Variants in UBE3D observed in about 807,000 individuals in gnomAD.
UBE3D encodes the protein E3 ubiquitin-protein ligase E3D.
Under a neutral mutation model 49.6 loss-of-function variants are expected in UBE3D, and 48 were observed. The observed-to-expected ratio is 0.97, with a 90% CI of 0.77 to 1.23. UBE3D has a LOEUF of 1.23. UBE3D is among the 50% of genes most tolerant of loss of function. The probability of loss-of-function intolerance (pLI) is 0.00; values close to 1 mark genes in which losing one functional copy is unlikely to be tolerated. For missense variants in UBE3D, 452 were observed against 468.4 expected (o/e 0.96, Z 0.32); for synonymous variants, 189 against 174.2 (o/e 1.08, Z -0.67).
intron 5 of UBE3D, among the ~76,000 whole-genome samples, chr6:83,029,040 TTC>T (rs769946009): frequency 4.5e-4 from 68 of 152,300 alleles, no homozygotes; most frequent in Non-Finnish European, 8.1e-4. Context: ...ACTTTAAAGA[TTC>T]TCTCTTAATC....
chr6:83,009,948 G>C (rs1780229267), intron 8 of UBE3D, among the ~76,000 whole-genome samples: 1 of 151,116 alleles, frequency 6.6e-6, no homozygotes, highest in South Asian at 2.1e-4. Context: ...AACATTCATG[G>C]CCATGATGCA....
Position 82,898,992 on chromosome 6 carries a change from GAATT to G in UBE3D, c.1150-5954_1150-5951del, listed in dbSNP as rs1771536817. Among the ~76,000 whole-genome samples, 5 of 152,010 alleles carry G rather than the reference GAATT, an allele frequency of 3.3e-5. 1 individual carries two copies. In the South Asian group the frequency reaches 6.3e-4, roughly 19 times the overall value. On this transcript the variant is annotated intron_variant, in intron 9 of 9. Transcript: ENST00000369747. ...AATGAGAGTAGGAGAGGAAGTCAAGGAATTAGGTGATTCCAATCCTAAGGTGGAG... is the reference window on the plus strand; with the variant it reads ...AATGAGAGTAGGAGAGGAAGTCAAGGAGGTGATTCCAATCCTAAGGTGGAG...
At chr6:82,910,845 T>G (rs1772452281) in intron 9 of UBE3D, among the ~76,000 whole-genome samples, 1 of 152,130 alleles carries the variant, frequency 6.6e-6, no homozygotes, top group Non-Finnish European at 1.5e-5. Flanking sequence ...TTGTTCTGAG[T>G]GTTATTCTGA....
chr6:82,990,619 G>T (rs572764840), intron 8 of UBE3D, among the ~76,000 whole-genome samples: 54 of 152,222 alleles, frequency 3.5e-4, no homozygotes, highest in African/African-American at 1.2e-3. Flanking sequence ...ACAGATAAAA[G>T]GTTAAGAATC....
At chr6:82,968,311 T>C (rs1777096572) in intron 8 of UBE3D, among the ~76,000 whole-genome samples, 2 of 151,848 alleles carry the variant, frequency 1.3e-5, no homozygotes, top group East Asian at 3.9e-4. Flanking sequence ...CACCTCTCCC[T>C]ATTTCCCCTG....
intron 9 of UBE3D, among the ~76,000 whole-genome samples, chr6:82,931,949 G>A (rs1219181878): frequency 2.0e-5 from 3 of 152,098 alleles, no homozygotes; most frequent in Admixed American, 6.5e-5. Context: ...CCCGGTGTGA[G>A]GTAATTGAAT....
intron 9 of UBE3D, among the ~76,000 whole-genome samples, chr6:82,917,983 C>T (rs1435577262): frequency 6.6e-6 from 1 of 152,176 alleles, no homozygotes; most frequent in South Asian, 2.1e-4. Flanking sequence ...ACTCTCTGCT[C>T]TTATTTTCCT....
intron 5 of UBE3D, among the ~76,000 whole-genome samples, chr6:83,029,405 T>C (rs891022249): frequency 2.6e-5 from 4 of 152,208 alleles, no homozygotes; most frequent in Admixed American, 6.5e-5. Context: ...TGAATTTTTC[T>C]TTACGGTTAC....
At chr6:82,992,929 A>G (rs572970567) in intron 8 of UBE3D, among the ~76,000 whole-genome samples, 47 of 152,218 alleles carry the variant, frequency 3.1e-4, no homozygotes, top group Non-Finnish European at 3.8e-4. Flanking sequence ...GATACAGATT[A>G]GTCCCAGTAA....
chr6:82,893,019 T>C lies in UBE3D; in HGVS notation c.*3A>G, dbSNP rs1488560106. 1 of 1,613,756 alleles carries C rather than the reference T, an allele frequency of 6.2e-7. No individual in the cohort carries two copies. The highest frequency in any genetic ancestry group is 2.2e-5 in the East Asian group (1 of 44,860). On this transcript the variant is annotated 3_prime_UTR_variant, in exon 10 of 10. Transcript: ENST00000369747. ...GGGGGAGGAGAATGCCCAGCTCTAATAGTTACATCTTCAAAAAGGCCACCT... is the reference window on the plus strand; with the variant it reads ...GGGGGAGGAGAATGCCCAGCTCTAACAGTTACATCTTCAAAAAGGCCACCT...
Position 83,044,677 on chromosome 6 carries a change from A to T in UBE3D, c.366-18T>A. 6.3e-7 allele frequency: 1 copy of T among 1,586,050 alleles called. No individual in the cohort carries two copies. The highest frequency in any genetic ancestry group is 8.6e-7 in the Non-Finnish European group (1 of 1,159,378). ...GGAGCTTCCTAGTGGAAAGAGGAAA[A>T]ATCATTTTTCACAGAACAAAATGAT... On this transcript the variant is annotated intron_variant, in intron 3 of 9. Transcript: ENST00000369747.
chr6:82,905,112 A>G (rs1772005025), intron 9 of UBE3D, among the ~76,000 whole-genome samples: 1 of 152,104 alleles, frequency 6.6e-6, no homozygotes, highest in African/African-American at 2.4e-5. Context: ...AATATATGAA[A>G]CTATTTGGCT....
At chr6:83,015,395 C>A (rs1229509146) in intron 8 of UBE3D, among the ~76,000 whole-genome samples, 1 of 152,106 alleles carries the variant, frequency 6.6e-6, no homozygotes, top group East Asian at 1.9e-4. Flanking sequence ...CATTTTTAAT[C>A]CATATTTCAG....
At chr6:83,060,522 TAA>T (rs1330022181) in intron 1 of UBE3D, among the ~76,000 whole-genome samples, 1 of 152,186 alleles carries the variant, frequency 6.6e-6, no homozygotes, top group African/African-American at 2.4e-5. Context: ...ACATCATATA[TAA>T]GTCATACACA....
chr6:82,965,686 A>G (rs1486037832), intron 8 of UBE3D, among the ~76,000 whole-genome samples: 1 of 152,104 alleles, frequency 6.6e-6, no homozygotes, highest in Non-Finnish European at 1.5e-5. Flanking sequence ...GAACATAATA[A>G]TTAGAAGTCT....
chr6:83,031,567 C>G (rs765657350), intron 5 of UBE3D, among the ~76,000 whole-genome samples: 36 of 152,170 alleles, frequency 2.4e-4, no homozygotes, highest in Non-Finnish European at 4.4e-4. Context: ...TAAGATTTGA[C>G]TGCTTTGCTG....
At chr6:83,064,802 C>T (rs1475709279) in intron 1 of UBE3D, among the ~76,000 whole-genome samples, 1 of 152,138 alleles carries the variant, frequency 6.6e-6, no homozygotes, top group African/African-American at 2.4e-5. Flanking sequence ...CATTTGAACT[C>T]AGTTCTCACG....
intron 4 of UBE3D, among the ~76,000 whole-genome samples, chr6:83,044,122 C>T (rs1199451155): frequency 6.6e-6 from 1 of 152,172 alleles, no homozygotes; most frequent in African/African-American, 2.4e-5. Flanking sequence ...AAAATGCACA[C>T]AAATTATGCA....
At chr6:83,018,876 A>C in intron 8 of UBE3D, 97 bp downstream of exon 8, 1 of 1,385,938 alleles carries the variant, frequency 7.2e-7, no homozygotes, top group South Asian at 1.3e-5. Context: ...AAGTAGGGAA[A>C]TGGTATAGTG....
Sources: allele counts gnomAD v4.1 joint callset (sites outside exome capture counted in the v4.1 genomes callset), GRCh38; gene constraint gnomAD v4.1.1; transcripts MANE v1.5; gene names NCBI Gene and HGNC (gene_info 2026-07-23, HGNC 2026-07-21).